PHF24: variants seen among roughly 807,000 people sequenced by gnomAD.
The protein encoded by PHF24 is Galpha inhibitory interacting protein.
In PHF24, 25 loss-of-function variants were observed where a neutral mutation model predicts 42.6. The ratio of observed to expected loss-of-function variants is 0.59; its 90% CI spans 0.43 to 0.82. PHF24 has a LOEUF of 0.82. Among genes scored for constraint, PHF24 ranks in the 40% least tolerant of loss-of-function variants. The pLI is 0.00. For synonymous variants in PHF24, 185 were observed against 204.8 expected, an observed-to-expected ratio of 0.90 and a Z score of 0.83; for missense variants, 470 against 538.1, an observed-to-expected ratio of 0.87 and a Z score of 1.25.
chr9:34,827,548 G>GTCA, the PHF24 span, among the ~76,000 whole-genome samples: 1 of 10,948 alleles, frequency 9.1e-5, no homozygotes, highest in Non-Finnish European at 3.1e-4. Context: ...AGCAAGTACT[G>GTCA]CCACCTCCTC....
the PHF24 span, among the ~76,000 whole-genome samples, chr9:34,682,573 G>C: frequency 6.6e-6 from 1 of 152,164 alleles, no homozygotes; most frequent in Non-Finnish European, 1.5e-5. Context: ...GGACTATAGA[G>C]ATATTTATTA....
chr9:34,683,689 A>T, the PHF24 span, among the ~76,000 whole-genome samples: 1 of 152,196 alleles, frequency 6.6e-6, no homozygotes, highest in Non-Finnish European at 1.5e-5. Flanking sequence ...GCCCATAATG[A>T]TATTGGAAGC....
At chr9:34,945,655 A>G in the PHF24 span, among the ~76,000 whole-genome samples, 1 of 152,074 alleles carries the variant, frequency 6.6e-6, no homozygotes, top group Admixed American at 6.6e-5. Context: ...TGATAAAATG[A>G]TGTTTGGTCC....
At chr9:34,822,314 A>G in the PHF24 span, among the ~76,000 whole-genome samples, 3 of 152,292 alleles carry the variant, frequency 2.0e-5, no homozygotes, top group Admixed American at 2.0e-4. Flanking sequence ...ATTTCTTTTC[A>G]TAAAGTTCTG....
At chr9:34,705,218 T>C in the PHF24 span, among the ~76,000 whole-genome samples, 1 of 152,248 alleles carries the variant, frequency 6.6e-6, no homozygotes, top group Non-Finnish European at 1.5e-5. Context: ...CTATTTTTAT[T>C]GAAATATTTA....
the PHF24 span, among the ~76,000 whole-genome samples, chr9:34,733,503 C>CTT: frequency 2.1e-5 from 3 of 140,292 alleles, no homozygotes; most frequent in Non-Finnish European, 1.6e-5. Context: ...TTCTGTGGGT[C>CTT]TTTTTTTTTT....
At chr9:34,767,704 G>A in the PHF24 span, among the ~76,000 whole-genome samples, 2 of 152,222 alleles carry the variant, frequency 1.3e-5, no homozygotes, top group African/African-American at 2.4e-5. Context: ...ATGGTGCGCT[G>A]CACCCACTGT....
the PHF24 span, chr9:34,833,749 G>A: frequency 1.9e-6 from 3 of 1,539,708 alleles, no homozygotes; most frequent in Non-Finnish European, 2.6e-6. Flanking sequence ...CTTTTGCAAC[G>A]TCTGTACAAC....
At chr9:34,831,787 A>C in the PHF24 span, among the ~76,000 whole-genome samples, 3 of 152,158 alleles carry the variant, frequency 2.0e-5, no homozygotes, top group Non-Finnish European at 2.9e-5. Context: ...CTTTCATTTC[A>C]TGCAACTGAG....
At chr9:34,697,412 T>C in the PHF24 span, among the ~76,000 whole-genome samples, 1 of 152,248 alleles carries the variant, frequency 6.6e-6, no homozygotes, top group East Asian at 1.9e-4. Context: ...CTCCACCTCC[T>C]GGGTTCAAGC....
the PHF24 span, among the ~76,000 whole-genome samples, chr9:34,918,921 T>G: frequency 3.9e-5 from 6 of 152,216 alleles, no homozygotes; most frequent in Non-Finnish European, 7.3e-5. Flanking sequence ...CAGAATCATT[T>G]TTGTTGATAA....
At chr9:34,934,448 T>C in the PHF24 span, among the ~76,000 whole-genome samples, 71 of 152,222 alleles carry the variant, frequency 4.7e-4, no homozygotes, top group South Asian at 8.3e-4. Context: ...ATAAATAAAG[T>C]AACCTCCCTC....
the PHF24 span, among the ~76,000 whole-genome samples, chr9:34,737,540 CTT>C: frequency 2.0e-5 from 3 of 152,154 alleles, no homozygotes; most frequent in African/African-American, 7.2e-5. Context: ...TTTCAGTTCT[CTT>C]GGGTATATAC....
At chr9:34,892,363 G>A in the PHF24 span, among the ~76,000 whole-genome samples, 4 of 152,202 alleles carry the variant, frequency 2.6e-5, no homozygotes, top group East Asian at 7.7e-4. Context: ...AGAAGCCTTA[G>A]AGATAGCATT....
chr9:34,729,408 A>G, the PHF24 span: 3 of 1,550,622 alleles, frequency 1.9e-6, no homozygotes, highest in Non-Finnish European at 2.6e-6. Context: ...TTCCCACAGA[A>G]CAAAAGTAGG....
chr9:34,739,848 T>C, the PHF24 span, among the ~76,000 whole-genome samples: 1 of 152,148 alleles, frequency 6.6e-6, no homozygotes, highest in Non-Finnish European at 1.5e-5. Context: ...TCCTGCTGAT[T>C]GGTAGAGCCA....
At chr9:34,837,718 T>C in the PHF24 span, 2 of 1,477,062 alleles carry the variant, frequency 1.4e-6, no homozygotes, top group East Asian at 2.5e-5. Flanking sequence ...ACAAAAACAT[T>C]AGAATGTGAA....
the PHF24 span, among the ~76,000 whole-genome samples, chr9:34,788,781 A>G: frequency 6.6e-6 from 1 of 152,142 alleles, no homozygotes; most frequent in Non-Finnish European, 1.5e-5. Flanking sequence ...ACCACCCCAA[A>G]CATGCATACT....
At chr9:34,780,298 C>CTTTTTTTTT in the PHF24 span, among the ~76,000 whole-genome samples, 213 of 63,886 alleles carry the variant, frequency 3.3e-3, 1 homozygote, top group East Asian at 0.016. Flanking sequence ...TTCTTTTTTT[C>CTTTTTTTTT]TTTTTTTTTT....
Sources: gnomAD v4.1 joint callset for allele counts (sites outside exome capture counted in the v4.1 genomes callset) on GRCh38, gnomAD v4.1.1 for gene constraint, MANE v1.5 for transcripts, NCBI Gene and HGNC (gene_info 2026-07-23, HGNC 2026-07-21) for gene names.